Variants in SPOP observed in about 807,000 individuals in gnomAD.
The protein encoded by SPOP is speckle type BTB/POZ protein.
In SPOP, 11 loss-of-function variants were observed where a neutral mutation model predicts 45.6. That is an observed-to-expected ratio of 0.24 (90% CI 0.15 to 0.40). The LOEUF (loss-of-function observed/expected upper bound fraction) is 0.40. SPOP is among the 10% of genes least tolerant of loss of function. The pLI is 1.00. For synonymous variants in SPOP, 166 were observed against 166.3 expected, an observed-to-expected ratio of 1.00 and a Z score of 0.01; for missense variants, 152 against 465.6, an observed-to-expected ratio of 0.33 and a Z score of 6.20.
chr17:49,665,692 A>ACACACACACACACC (rs1488970526), intron 1 of SPOP, among the ~76,000 whole-genome samples: 1 of 141,838 alleles, frequency 7.1e-6, no homozygotes, highest in South Asian at 2.3e-4. Context: ...ACACACACAC[A>ACACACACACACACC]CACCAATCTG....
chr17:49,621,273 G>A (rs1235521539), intron 3 of SPOP, among the ~76,000 whole-genome samples: 1 of 152,226 alleles, frequency 6.6e-6, no homozygotes, highest in Non-Finnish European at 1.5e-5. Flanking sequence ...CTAGCATGTA[G>A]TAGATTATAC....
intron 8 of SPOP, 186 bp from the exon 9 acceptor site, chr17:49,602,193 A>G (rs2071752582): frequency 1.7e-6 from 1 of 602,768 alleles, no homozygotes; most frequent in African/African-American, 1.9e-5. Context: ...TTTAAGCTTG[A>G]AATGTAAACA....
At chr17:49,626,364 G>C (rs1351870786) in intron 1 of SPOP, among the ~76,000 whole-genome samples, 1 of 151,712 alleles carries the variant, frequency 6.6e-6, no homozygotes, top group Admixed American at 6.6e-5. Flanking sequence ...AAGTATTTTT[G>C]GAATCTGCCT....
intron 5 of SPOP, among the ~76,000 whole-genome samples, chr17:49,614,163 T>C (rs564508991): frequency 2.0e-5 from 3 of 152,272 alleles, no homozygotes; most frequent in Non-Finnish European, 2.9e-5. Flanking sequence ...TCTATATAAT[T>C]AAAACAATCT....
At chr17:49,632,566 C>A (rs2072470902) in intron 1 of SPOP, among the ~76,000 whole-genome samples, 1 of 151,768 alleles carries the variant, frequency 6.6e-6, no homozygotes, top group Admixed American at 6.6e-5. Flanking sequence ...GGTCTCGGCT[C>A]ACTGCAACCT....
chr17:49,644,128 G>A (rs2072710689), intron 1 of SPOP, among the ~76,000 whole-genome samples: 1 of 152,070 alleles, frequency 6.6e-6, no homozygotes, highest in Non-Finnish European at 1.5e-5. Flanking sequence ...CACTTTGGGA[G>A]GCCAAGGCAG....
At chr17:49,628,634 A>C (rs754329324) in intron 1 of SPOP, among the ~76,000 whole-genome samples, 1 of 152,210 alleles carries the variant, frequency 6.6e-6, no homozygotes, top group Non-Finnish European at 1.5e-5. Context: ...AACACTTTGG[A>C]TTTCAGATTA....
chr17:49,653,593 T>C (rs2143499625), intron 1 of SPOP, among the ~76,000 whole-genome samples: 1 of 152,004 alleles, frequency 6.6e-6, no homozygotes, highest in South Asian at 2.1e-4. Context: ...GCATGCTGTT[T>C]ATTTTGATAT....
chr17:49,667,280 A>T (rs2073074132), intron 1 of SPOP, among the ~76,000 whole-genome samples: 1 of 147,548 alleles, frequency 6.8e-6, no homozygotes, highest in Admixed American at 6.9e-5. Context: ...CCTAAAAGGG[A>T]TATCCAGAGC....
intron 1 of SPOP, among the ~76,000 whole-genome samples, chr17:49,623,828 C>T (rs916527709): frequency 3.9e-5 from 6 of 152,084 alleles, no homozygotes; most frequent in African/African-American, 1.4e-4. Flanking sequence ...TCCACTGTTG[C>T]TCCCCATCAT....
At chr17:49,602,658 C>T (rs1215253226) in intron 8 of SPOP, among the ~76,000 whole-genome samples, 1 of 152,132 alleles carries the variant, frequency 6.6e-6, no homozygotes, top group Non-Finnish European at 1.5e-5. Context: ...CAACTAAAGG[C>T]CTCCTTTTAA....
chr17:49,599,933 C>T lies in SPOP; in HGVS notation c.*445G>A. 4.3e-6 allele frequency: 1 copy of T among 230,562 alleles called. No individual in the cohort carries two copies. The highest frequency in any genetic ancestry group is 8.7e-6 in the Non-Finnish European group (1 of 115,534). 14.3% of individuals were successfully genotyped at this position (230,562 alleles called of 1,614,324 possible). A position where few individuals can be genotyped will look rare whatever the true frequency, so the allele number is the denominator to read the frequency against. ...TATAAATACTACTGGAATCCACAAA[C>T]TGATTTTTGAGAAATTCTGCAAAAA... is the stretch of plus-strand genomic sequence containing the variant. On this transcript the variant is annotated 3_prime_UTR_variant, in exon 10 of 10. Coordinates refer to ENST00000504102, the MANE Select transcript of SPOP (RefSeq NM_001007228.2).
intron 1 of SPOP, among the ~76,000 whole-genome samples, chr17:49,663,029 T>C (rs1031817332): frequency 2.6e-5 from 4 of 152,370 alleles, no homozygotes; most frequent in African/African-American, 9.6e-5. Context: ...ATATTTGTGC[T>C]GATAGTACAA....
intron 1 of SPOP, among the ~76,000 whole-genome samples, chr17:49,661,859 C>T (rs1440168695): frequency 6.6e-6 from 1 of 151,710 alleles, no homozygotes; most frequent in Non-Finnish European, 1.5e-5. Flanking sequence ...ACTAAAAGTA[C>T]AAAATTAGCC....
At position 49,673,281 on chromosome 17, in the gene SPOP, G is replaced by A. The variant is rs1343379369; in HGVS notation, c.-67+4652C>T. Among the ~76,000 whole-genome samples, 10 of 151,894 alleles carry A rather than the reference G, an allele frequency of 6.6e-5. No homozygotes were observed. In the East Asian group the frequency reaches 1.4e-3, roughly 21 times the overall value. ...AGCACTTTGGGAGGCCAAGGTGGGTGGATCACGAGGTCAGGAGATCAAGAC... is the reference window on the plus strand; with the variant it reads ...AGCACTTTGGGAGGCCAAGGTGGGTAGATCACGAGGTCAGGAGATCAAGAC... On this transcript the variant is annotated intron_variant, in intron 1 of 9. Coordinates refer to ENST00000504102, the MANE Select transcript of SPOP (RefSeq NM_001007228.2).
intron 1 of SPOP, among the ~76,000 whole-genome samples, chr17:49,625,627 A>G (rs1443309860): frequency 1.3e-5 from 2 of 152,136 alleles, no homozygotes; most frequent in Non-Finnish European, 2.9e-5. Context: ...AAATAAAATA[A>G]AAGAACTAGA....
chr17:49,659,535 T>G (rs2072959294), intron 1 of SPOP, among the ~76,000 whole-genome samples: 1 of 152,226 alleles, frequency 6.6e-6, no homozygotes. Flanking sequence ...CTAGAGCCAC[T>G]GACACTATCC....
intron 2 of SPOP, 58 bp from the exon 3 acceptor site, chr17:49,622,125 G>A: frequency 1.3e-6 from 2 of 1,589,974 alleles, no homozygotes; most frequent in Admixed American, 1.7e-5. Flanking sequence ...GAAAAAACAG[G>A]ATGAAGGGCA....
intron 1 of SPOP, among the ~76,000 whole-genome samples, chr17:49,634,671 C>A (rs1364560551): frequency 6.6e-6 from 1 of 152,148 alleles, no homozygotes; most frequent in Non-Finnish European, 1.5e-5. Context: ...TTATATAACC[C>A]CACAGAGTCC....
Sources: allele counts gnomAD v4.1 joint callset (sites outside exome capture counted in the v4.1 genomes callset), GRCh38; gene constraint gnomAD v4.1.1; transcripts MANE v1.5; gene names NCBI Gene and HGNC (gene_info 2026-07-23, HGNC 2026-07-21).